F11R: variants seen among roughly 807,000 people sequenced by gnomAD.
F11R encodes F11 receptor.
A neutral mutation model predicts 39.3 loss-of-function variants in F11R; 27 were observed. The observed-to-expected ratio is 0.69, with a 90% CI of 0.51 to 0.95. The LOEUF (loss-of-function observed/expected upper bound fraction) is 0.95, where lower values mean the gene tolerates loss of function less well. F11R is among the 40% of genes least tolerant of loss of function. The probability of loss-of-function intolerance (pLI) is 0.00; values close to 1 mark genes in which losing one functional copy is unlikely to be tolerated. For missense variants in F11R, 335 were observed against 372.7 expected (o/e 0.90, Z 0.83); for synonymous variants, 131 against 144.9 (o/e 0.90, Z 0.69).
At chr1:161,017,888 C>T (rs1360453764) in intron 1 of F11R, among the ~76,000 whole-genome samples, 1 of 152,194 alleles carries the variant, frequency 6.6e-6, no homozygotes, top group South Asian at 2.1e-4. Context: ...ATAGTAAACA[C>T]TGGGACTCAG....
intron 1 of F11R, among the ~76,000 whole-genome samples, chr1:161,008,863 T>C (rs1399412842): frequency 5.3e-5 from 8 of 152,210 alleles, no homozygotes; most frequent in Non-Finnish European, 1.5e-5. Flanking sequence ...GCTTATATGA[T>C]AAAATCCAAA....
At chr1:161,016,076 G>T (rs139333121) in intron 1 of F11R, among the ~76,000 whole-genome samples, 2 of 152,110 alleles carry the variant, frequency 1.3e-5, no homozygotes, top group Non-Finnish European at 2.9e-5. Flanking sequence ...AGGGGTTCAC[G>T]CCTGTAATCC....
At chr1:161,004,233 A>G (rs1284978784) in intron 1 of F11R, among the ~76,000 whole-genome samples, 2 of 152,026 alleles carry the variant, frequency 1.3e-5, no homozygotes, top group African/African-American at 4.8e-5. Flanking sequence ...GATGTGAACC[A>G]TCACGCCTGG....
intron 1 of F11R, among the ~76,000 whole-genome samples, chr1:161,015,437 C>A (rs1435357181): frequency 1.4e-5 from 2 of 142,240 alleles, no homozygotes; most frequent in African/African-American, 2.6e-5. Context: ...TACACACACA[C>A]AAAAATTAGC....
chr1:161,016,834 G>T (rs1422347155), intron 1 of F11R, among the ~76,000 whole-genome samples: 1 of 152,198 alleles, frequency 6.6e-6, no homozygotes, highest in Non-Finnish European at 1.5e-5. Context: ...TGACTCACCA[G>T]TGTGGGGAAA....
intron 1 of F11R, among the ~76,000 whole-genome samples, chr1:161,007,532 CT>C (rs1319536571): frequency 6.6e-6 from 1 of 151,978 alleles, no homozygotes; most frequent in African/African-American, 2.4e-5. Flanking sequence ...GGACAAGCCA[CT>C]TGGCCTCCTC....
In F11R at chr1:161,007,311, C is replaced by T. The variant is rs564561970; in HGVS notation, c.65-5958G>A. On this transcript the variant is annotated intron_variant, in intron 1 of 9. Transcript: ENST00000368026. Reference sequence around the variant, plus strand: ...AGAAACCTCGTCTCTACTAAAAATACAAAATTAACCAGGCGTGGTGGTGCA... The same window carrying T: ...AGAAACCTCGTCTCTACTAAAAATATAAAATTAACCAGGCGTGGTGGTGCA... Among the ~76,000 whole-genome samples, 27 of 150,268 alleles carry T rather than the reference C, an allele frequency of 1.8e-4. 2 individuals are homozygous for T. In the South Asian group the frequency reaches 4.4e-3, roughly 25 times the overall value.
intron 1 of F11R, among the ~76,000 whole-genome samples, chr1:161,013,999 C>T (rs554478370): frequency 3.3e-5 from 5 of 152,330 alleles, no homozygotes; most frequent in Admixed American, 2.6e-4. Flanking sequence ...AGAAACCCTG[C>T]TTATCAGGGA....
intron 5 of F11R, 61 bp from the exon 6 acceptor site, chr1:161,000,039 C>T (rs2101967479): frequency 6.3e-7 from 1 of 1,599,262 alleles, no homozygotes; most frequent in Admixed American, 1.7e-5. Context: ...TTTTTAATGT[C>T]TCTTGACCCC....
At chr1:161,016,598 A>C (rs1649478571) in intron 1 of F11R, among the ~76,000 whole-genome samples, 1 of 152,160 alleles carries the variant, frequency 6.6e-6, no homozygotes, top group Admixed American at 6.5e-5. Context: ...TGGAGGTTGC[A>C]GTGAGCCAAG....
At chr1:161,014,981 G>A (rs1191902640) in intron 1 of F11R, among the ~76,000 whole-genome samples, 2 of 151,492 alleles carry the variant, frequency 1.3e-5, no homozygotes, top group Non-Finnish European at 2.9e-5. Context: ...GGGAGGCTGA[G>A]GCAGGAGAAT....
rs557134157 is a variant in F11R, at chr1:161,010,192, T to C, written c.65-8839A>G. 2.6e-4 allele frequency among the ~76,000 whole-genome samples: 40 copies of C among 151,818 alleles called. 1 individual carries two copies. The highest frequency in any genetic ancestry group is 2.6e-3 in the Admixed American group (40 of 15,244). On this transcript the variant is annotated intron_variant, in intron 1 of 9. Coordinates refer to ENST00000368026, the MANE Select transcript of F11R (RefSeq NM_016946.6). The stretch of plus-strand genomic sequence containing the variant: ...CAGGCATAGTGGCTCACACGTGTAA[T>C]CCCAGAACTTTGAGAGTCCGAAGCA...
intron 1 of F11R, among the ~76,000 whole-genome samples, chr1:161,002,285 A>G (rs1648541046): frequency 6.9e-6 from 1 of 145,446 alleles, no homozygotes; most frequent in Admixed American, 6.9e-5. Flanking sequence ...AAAAAAAAAC[A>G]CACAACTGGT....
intron 3 of F11R, 113 bp downstream of exon 3, chr1:161,000,907 A>C: frequency 6.8e-7 from 1 of 1,460,474 alleles, no homozygotes; most frequent in Admixed American, 1.8e-5. Context: ...GGCCATGAGG[A>C]CTTCAGCCCC....
intron 1 of F11R, among the ~76,000 whole-genome samples, chr1:161,015,847 G>T (rs1194126021): frequency 6.6e-6 from 1 of 151,852 alleles, no homozygotes; most frequent in East Asian, 1.9e-4. Flanking sequence ...TGGGGTTTGG[G>T]GTGAACAGGA....
At chr1:161,002,961 T>G (rs1648579717) in intron 1 of F11R, among the ~76,000 whole-genome samples, 1 of 151,162 alleles carries the variant, frequency 6.6e-6, no homozygotes, top group South Asian at 2.1e-4. Context: ...TATTTGTTTT[T>G]TTTTTTTTTG....
intron 1 of F11R, among the ~76,000 whole-genome samples, chr1:161,011,900 C>G (rs1649182172): frequency 6.6e-6 from 1 of 152,120 alleles, no homozygotes; most frequent in Middle Eastern, 3.4e-3. Context: ...CTACATGGAG[C>G]ATGTATCACT....
At chr1:160,999,564 A>G in intron 7 of F11R, 76 bp downstream of exon 7, 3 of 1,494,658 alleles carry the variant, frequency 2.0e-6, no homozygotes, top group Non-Finnish European at 2.8e-6. Flanking sequence ...TATCAGGGTC[A>G]GTACTCAGAT....
At chr1:161,008,586 T>G (rs1341049951) in intron 1 of F11R, among the ~76,000 whole-genome samples, 1 of 152,236 alleles carries the variant, frequency 6.6e-6, no homozygotes, top group Non-Finnish European at 1.5e-5. Context: ...TTTGAGGCAC[T>G]GTTGTAAGCA....
Sources: gnomAD v4.1 joint callset for allele counts (sites outside exome capture counted in the v4.1 genomes callset) on GRCh38, gnomAD v4.1.1 for gene constraint, MANE v1.5 for transcripts, NCBI Gene and HGNC (gene_info 2026-07-23, HGNC 2026-07-21) for gene names.